Variants in PRAC1 observed in about 807,000 individuals in gnomAD.
PRAC1 encodes small nuclear protein PRAC1.
PRAC1 carries 4 observed loss-of-function variants against 3.1 expected under a neutral mutation model. The observed-to-expected ratio is 1.28, with a 90% CI of 0.63 to 2.93. The LOEUF is 2.93. Among genes scored for constraint, PRAC1 ranks in the 30% most tolerant of loss-of-function variants. The pLI is 0.01. For synonymous variants in PRAC1, 32 were observed against 27.0 expected (o/e 1.18, Z -0.57); for missense variants, 72 against 66.8 (o/e 1.08, Z -0.27).
Position 48,722,366 on chromosome 17 carries a change from T to C in PRAC1, c.27A>G (p.Gln9=). 6.2e-7 allele frequency: 1 copy of C among 1,614,208 alleles called. No individual in the cohort carries two copies. The highest frequency in any genetic ancestry group is 8.5e-7 in the Non-Finnish European group (1 of 1,180,010). MLCAHFSD[Q]GPAHLTTSKS... is the part of the protein sequence containing the mutation. ...TGGAGGTAGTAAGATGGGCCGGTCC[T>C]TGATCTGAGAAATGGGCGCACAACA... Residue 9 remains glutamine, a synonymous_variant, in exon 1 of 2, where the codon CAA becomes CAG. Transcript: ENST00000290294.
At chr17:48,722,192 T>TA (rs1319203173) in intron 1 of PRAC1, 126 bp downstream of exon 1, 27 of 815,080 alleles carry the variant, frequency 3.3e-5, no homozygotes, top group Non-Finnish European at 5.4e-5. Flanking sequence ...CTGCTCACCC[T>TA]TCCCTTGTTT....
Position 48,722,343 on chromosome 17 carries a change from G to T in PRAC1, c.50C>A (p.Ser17Tyr). 6.2e-7 allele frequency: 1 copy of T among 1,614,170 alleles called. No individual in the cohort carries two copies. The highest frequency in any genetic ancestry group is 1.1e-5 in the South Asian group (1 of 91,082). ...SDQGPAHLTT[S>Y]KSAFLSNKKT... The stretch of plus-strand genomic sequence containing the variant: ...CTTATTAGAGAGAAAAGCACTCTTG[G>T]AGGTAGTAAGATGGGCCGGTCCTTG... Residue 17 changes from serine to tyrosine, a missense_variant, in exon 1 of 2, where the codon TCC becomes TAC. Transcript: ENST00000290294.
At chr17:48,722,284 G>A (rs1308499420) in intron 1 of PRAC1, 34 bp downstream of exon 1, 2 of 1,570,432 alleles carry the variant, frequency 1.3e-6, no homozygotes, top group South Asian at 2.2e-5. Flanking sequence ...TGAGCGATCC[G>A]TCGATAACGC....
At position 48,722,345 on chromosome 17, in the gene PRAC1, G is replaced by C; in HGVS notation, c.48C>G (p.Thr16=). Residue 16 remains threonine, a synonymous_variant, in exon 1 of 2, where the codon ACC becomes ACG. Coordinates refer to ENST00000290294, the MANE Select transcript of PRAC1 (RefSeq NM_032391.3). ...FSDQGPAHLT[T]SKSAFLSNKK... ...TATTAGAGAGAAAAGCACTCTTGGA[G>C]GTAGTAAGATGGGCCGGTCCTTGAT... is the stretch of plus-strand genomic sequence containing the variant. 6.2e-7 allele frequency: 1 copy of C among 1,614,172 alleles called. No individual in the cohort carries two copies. The highest frequency in any genetic ancestry group is 8.5e-7 in the Non-Finnish European group (1 of 1,179,964).
Position 48,721,729 on chromosome 17 carries a change from T to TA in PRAC1, c.*71dup, listed in dbSNP as rs1392398498. Reference sequence around the variant, plus strand: ...TTAACTTTCACCCAGTTTCCTTTTTTAAAAAAATTTTATTGTATAAATAGA... The same window carrying TA: ...TTAACTTTCACCCAGTTTCCTTTTTTAAAAAAAATTTTATTGTATAAATAGA... On this transcript the variant is annotated 3_prime_UTR_variant, in exon 2 of 2. Transcript: ENST00000290294. 5 of 1,346,540 alleles carry TA rather than the reference T, an allele frequency of 3.7e-6. No individual in the cohort carries two copies. Among genetic ancestry groups the TA allele is most frequent in the East Asian group, 5.8e-5 (2 of 34,758 alleles). 83.4% of individuals were successfully genotyped at this position (1,346,540 alleles called of 1,614,324 possible).
intron 1 of PRAC1, among the ~76,000 whole-genome samples, chr17:48,722,117 C>A (rs116524709): frequency 0.011 from 1,673 of 152,114 alleles, 34 homozygotes; most frequent in African/African-American, 0.038. Context: ...CTGCCCAGGG[C>A]GGCTGCCGGT....
chr17:48,721,869 C>A lies in PRAC1; in HGVS notation c.106G>T (p.Glu36Ter). 6.5e-7 allele frequency: 1 copy of A among 1,535,254 alleles called. No homozygotes were observed. Among genetic ancestry groups the A allele is most frequent in the South Asian group, 1.2e-5 (1 of 80,380 alleles). Residue 36 changes from glutamate to a stop codon, truncating the protein, a stop_gained, in exon 2 of 2, where the codon GAG becomes TAG. Coordinates refer to ENST00000290294, the MANE Select transcript of PRAC1 (RefSeq NM_032391.3). LOFTEE classifies it high-confidence loss of function. ...CAGGCTGAGCCATCACTCCTGGTCT[C>A]GCCCAGTAGATGTTTCAAAGTAGAT... ...KTSTLKHLLG[E>*]TRSDGSACNS...
At chr17:48,722,281 T>G (rs200185376) in intron 1 of PRAC1, 37 bp downstream of exon 1, 1 of 1,549,980 alleles carries the variant, frequency 6.5e-7, no homozygotes, top group East Asian at 2.2e-5. Flanking sequence ...TACTGAGCGA[T>G]CCGTCGATAA....
At position 48,722,513 on chromosome 17, in the gene PRAC1, G is replaced by C; in HGVS notation, c.-121C>G. On this transcript the variant is annotated 5_prime_UTR_variant, in exon 1 of 2. Transcript: ENST00000290294. The stretch of plus-strand genomic sequence containing the variant: ...TGTTTGCACGCCTTAGGCTAGGAGA[G>C]GAAGGACGGGAGCACAGCACTGGGT... 2.5e-6 allele frequency: 2 copies of C among 809,804 alleles called. No homozygotes were observed. Among genetic ancestry groups the C allele is most frequent in the South Asian group, 1.5e-5 (1 of 67,596 alleles). 50.2% of individuals were successfully genotyped at this position (809,804 alleles called of 1,614,324 possible). A position where few individuals can be genotyped will look rare whatever the true frequency, so the allele number is the denominator to read the frequency against.
chr17:48,721,930 A>G, intron 1 of PRAC1, 31 bp from the exon 2 acceptor site: 1 of 1,486,626 alleles, frequency 6.7e-7, no homozygotes, highest in Non-Finnish European at 9.0e-7. Flanking sequence ...TACAAATTTT[A>G]AATAATAATA....
chr17:48,722,170 G>T, intron 1 of PRAC1, 148 bp downstream of exon 1: 1 of 729,086 alleles, frequency 1.4e-6, no homozygotes. Flanking sequence ...AGGTGGTATC[G>T]GTGAAAGCCT....
At chr17:48,721,988 A>G in intron 1 of PRAC1, 89 bp from the exon 2 acceptor site, 1 of 1,339,044 alleles carries the variant, frequency 7.5e-7, no homozygotes, top group Non-Finnish European at 1.0e-6. Context: ...ATCCCATTGG[A>G]GACAAACATT....
chr17:48,722,316 A>G lies in PRAC1; in HGVS notation c.75+2T>C, dbSNP rs776293281. Reference sequence around the variant, plus strand: ...ACGCCCTTGGCCCACCGATCAGTTTACCTTATTAGAGAGAAAAGCACTCTT... The same window carrying G: ...ACGCCCTTGGCCCACCGATCAGTTTGCCTTATTAGAGAGAAAAGCACTCTT... On this transcript the variant is annotated splice_donor_variant, in intron 1 of 1. Transcript: ENST00000290294. LOFTEE classifies it high-confidence loss of function. 5.6e-6 allele frequency: 9 copies of G among 1,612,668 alleles called. No individual in the cohort carries two copies. Among genetic ancestry groups the G allele is most frequent in the Non-Finnish European group, 7.6e-6 (9 of 1,178,842 alleles).
At chr17:48,722,067 G>C (rs565040723) in intron 1 of PRAC1, among the ~76,000 whole-genome samples, 168 bp from the exon 2 acceptor site, 1 of 152,284 alleles carries the variant, frequency 6.6e-6, no homozygotes, top group East Asian at 1.9e-4. Flanking sequence ...CCTAGGTCCT[G>C]CAGGTCCCGC....
At chr17:48,722,235 G>C (rs764106837) in intron 1 of PRAC1, 83 bp downstream of exon 1, 1 of 1,190,278 alleles carries the variant, frequency 8.4e-7, no homozygotes, top group Non-Finnish European at 1.2e-6. Flanking sequence ...AAATTCCTGG[G>C]AGACCCTCTC....
chr17:48,722,411 G>T lies in PRAC1; in HGVS notation c.-19C>A, dbSNP rs546750533. The T allele has an allele frequency of 5.2e-5, 84 of 1,612,634 alleles. No homozygotes were observed. Among genetic ancestry groups the T allele is most frequent in the Non-Finnish European group, 6.8e-5 (80 of 1,178,720 alleles). ...ACAACATCGCTGTTCTCTCTGCAAA[G>T]GTGGGGACCAGAATCCAGCTTGCCT... is the stretch of plus-strand genomic sequence containing the variant. On this transcript the variant is annotated 5_prime_UTR_variant, in exon 1 of 2. Transcript: ENST00000290294.
In PRAC1 at chr17:48,721,868, T is replaced by C. The variant is rs760255880; in HGVS notation, c.107A>G (p.Glu36Gly). 3.9e-5 allele frequency: 60 copies of C among 1,537,058 alleles called. 1 individual carries two copies. Among genetic ancestry groups the C allele is most frequent in the Non-Finnish European group, 7.0e-6 (8 of 1,139,912 alleles). ...KTSTLKHLLG[E>G]TRSDGSACNS... ...ACAGGCTGAGCCATCACTCCTGGTC[T>C]CGCCCAGTAGATGTTTCAAAGTAGA... The change falls in exon 2 of 2, where the codon GAG becomes GGG. Residue 36 changes from glutamate to glycine, a missense_variant. Physicochemically the swap from Glu to Gly is moderately conservative, Grantham distance 98 (BLOSUM62 -2). Transcript: ENST00000290294.
Position 48,722,461 on chromosome 17 carries a change from A to C in PRAC1, c.-69T>G, listed in dbSNP as rs2038156547. The C allele has an allele frequency of 1.4e-6, 2 of 1,404,786 alleles. No homozygotes were observed. Among genetic ancestry groups the C allele is most frequent in the South Asian group, 2.3e-5 (2 of 86,622 alleles). 87.0% of individuals were successfully genotyped at this position (1,404,786 alleles called of 1,614,324 possible). A position where few individuals can be genotyped will look rare whatever the true frequency, so the allele number is the denominator to read the frequency against. ...TGACCTTGCAAGCAAGCATCGGCCT[A>C]AAGGTTTCAGCCTCCCAGTGGCGCT... On this transcript the variant is annotated 5_prime_UTR_variant, in exon 1 of 2. Transcript: ENST00000290294.
chr17:48,721,943 G>A (rs751975683), intron 1 of PRAC1, 44 bp from the exon 2 acceptor site: 1 of 1,465,730 alleles, frequency 6.8e-7, no homozygotes. Context: ...TAATAATAAC[G>A]TTATCAATAT....
Sources: gnomAD v4.1 joint callset for allele counts (sites outside exome capture counted in the v4.1 genomes callset) on GRCh38, gnomAD v4.1.1 for gene constraint, MANE v1.5 for transcripts, NCBI Gene and HGNC (gene_info 2026-07-23, HGNC 2026-07-21) for gene names.